Variants in CENPL observed in about 807,000 individuals in gnomAD.
The protein encoded by CENPL is centromere protein L, also known as interphase centromere complex protein 33.
In CENPL, 20 loss-of-function variants were observed where a neutral mutation model predicts 35.2. The ratio of observed to expected loss-of-function variants is 0.57; its 90% confidence interval spans 0.40 to 0.83. The LOEUF is 0.83. CENPL is among the 40% of genes least tolerant of loss of function. CENPL has a pLI of 0.00. For synonymous variants in CENPL, 140 were observed against 140.6 expected (o/e 1.00, Z 0.03); for missense variants, 363 against 395.8 (o/e 0.92, Z 0.70).
At chr1:173,804,185 G>A (rs1046766434) in intron 4 of CENPL, among the ~76,000 whole-genome samples, 4 of 152,136 alleles carry the variant, frequency 2.6e-5, no homozygotes, top group East Asian at 1.9e-4. Context: ...ATTTCCTAAG[G>A]CAGCACTATC....
At chr1:173,807,720 C>T (rs1650364910) in intron 3 of CENPL, among the ~76,000 whole-genome samples, 1 of 152,150 alleles carries the variant, frequency 6.6e-6, no homozygotes, top group Non-Finnish European at 1.5e-5. Context: ...TGCTCTTCTC[C>T]CAAGTGTTCA....
At position 173,813,643 on chromosome 1, in the gene CENPL, C is replaced by T. The variant is rs192773331; in HGVS notation, c.-7-2337G>A. 7.4e-4 allele frequency among the ~76,000 whole-genome samples: 112 copies of T among 152,244 alleles called. 1 individual carries two copies. The highest frequency in any genetic ancestry group is 2.2e-3 in the African/African-American group (91 of 41,536). ...CAAATGCTAAGAGATTTTGTCACCA[C>T]GAGGCCTGCCTTACAAGAGCTCCTG... On this transcript the variant is annotated intron_variant, in intron 2 of 5. Coordinates refer to ENST00000682279, the MANE Select transcript of CENPL (RefSeq NM_001387287.1).
intron 2 of CENPL, among the ~76,000 whole-genome samples, chr1:173,815,910 G>T (rs867785193): frequency 3.5e-4 from 53 of 152,308 alleles, no homozygotes; most frequent in Admixed American, 1.0e-3. Flanking sequence ...CCTGTTTGCA[G>T]ATGACATGAC....
At chr1:173,814,091 T>A (rs971722167) in intron 2 of CENPL, among the ~76,000 whole-genome samples, 4 of 152,116 alleles carry the variant, frequency 2.6e-5, no homozygotes, top group African/African-American at 9.7e-5. Context: ...GGCCACTACA[T>A]AACGGTAAAG....
intron 5 of CENPL, among the ~76,000 whole-genome samples, chr1:173,802,164 T>C (rs1053802502): frequency 6.6e-6 from 1 of 152,176 alleles, no homozygotes; most frequent in Non-Finnish European, 1.5e-5. Flanking sequence ...TGGCTGTGTA[T>C]TTTAATATAT....
At chr1:173,820,000 GC>G (rs1236131917) in intron 2 of CENPL, among the ~76,000 whole-genome samples, 1 of 152,024 alleles carries the variant, frequency 6.6e-6, no homozygotes, top group Non-Finnish European at 1.5e-5. Flanking sequence ...ACCGCACTCG[GC>G]CCATATTTAA....
At chr1:173,808,212 CCTAGCCAA>C (rs1266657151) in intron 3 of CENPL, among the ~76,000 whole-genome samples, 1 of 151,840 alleles carries the variant, frequency 6.6e-6, no homozygotes, top group South Asian at 2.1e-4. Context: ...TTGAGACCAG[CCTAGCCAA>C]CATGGTAAAA....
chr1:173,811,182 A>G lies in CENPL; in HGVS notation c.118T>C (p.Phe40Leu). 6.2e-7 allele frequency: 1 copy of G among 1,614,080 alleles called. No individual in the cohort carries two copies. The highest frequency in any genetic ancestry group is 8.5e-7 in the Non-Finnish European group (1 of 1,179,946). ...RLESVRKQSS[F>L]ILTPPRRKIP... ...TTCCTTCGAGGTGGAGTCAGGATAA[A>G]TGAACTCTGCTTCCTGACCGATTCT... The change falls in exon 3 of 6, where the codon TTT becomes CTT. Residue 40 changes from phenylalanine (F) to leucine (L), a missense_variant. Phe to Leu is a conservative substitution (Grantham distance 22). Coordinates refer to ENST00000682279, the MANE Select transcript of CENPL (RefSeq NM_001387287.1).
chr1:173,824,430 T>G lies in CENPL; in HGVS notation c.-320A>C, dbSNP rs1007724795. 11 of 152,430 alleles carry G rather than the reference T, an allele frequency of 7.2e-5. No homozygotes were observed. Among genetic ancestry groups the G allele is most frequent in the African/African-American group, 2.6e-4 (11 of 41,602 alleles). 9.4% of individuals were successfully genotyped at this position (152,430 alleles called of 1,614,324 possible). ...GCTCTGCGGCCCCACGCAGGAAGCC[T>G]CCTTGGCGCCTCGCCGATTCCGTAT... On this transcript the variant is annotated 5_prime_UTR_variant, in exon 1 of 6. Transcript: ENST00000682279.
chr1:173,820,760 G>A (rs1450655258), intron 2 of CENPL, among the ~76,000 whole-genome samples: 2 of 152,130 alleles, frequency 1.3e-5, no homozygotes, highest in Admixed American at 1.3e-4. Context: ...ATTGATACAT[G>A]CAACAACTTG....
Position 173,800,486 on chromosome 1 carries a change from C to G in CENPL, c.997G>C (p.Ala333Pro), listed in dbSNP as rs770040755. 21 of 1,500,878 alleles carry G rather than the reference C, an allele frequency of 1.4e-5. No individual in the cohort carries two copies. Among genetic ancestry groups the G allele is most frequent in the Non-Finnish European group, 1.9e-5 (21 of 1,079,312 alleles). 93.0% of individuals were successfully genotyped at this position (1,500,878 alleles called of 1,614,324 possible). ...LCHKYLIGVL[A>P]YLTELAIFQI... ...AAAATTGCCAGTTCTGTCAAATATG[C>G]TAACACTCCAATAAGGTATTTATGA... is the stretch of plus-strand genomic sequence containing the variant. The change falls in exon 6 of 6, where the codon GCA (alanine) becomes CCA (proline). Residue 333 changes from alanine (A) to proline (P), a missense_variant. By Grantham distance (27) the Ala-to-Pro change is conservative. Coordinates refer to ENST00000682279, the MANE Select transcript of CENPL (RefSeq NM_001387287.1).
chr1:173,812,539 G>A (rs1156843184), intron 2 of CENPL, among the ~76,000 whole-genome samples: 2 of 152,358 alleles, frequency 1.3e-5, no homozygotes, highest in Non-Finnish European at 1.5e-5. Flanking sequence ...AACAGAGTCT[G>A]GAGTGGACCT....
intron 2 of CENPL, among the ~76,000 whole-genome samples, chr1:173,821,657 A>C (rs1474868810): frequency 6.6e-6 from 1 of 152,158 alleles, no homozygotes; most frequent in African/African-American, 2.4e-5. Context: ...AAGAATGTGT[A>C]ATTTTTGCCC....
intron 5 of CENPL, among the ~76,000 whole-genome samples, chr1:173,801,713 G>A (rs1649768190): frequency 2.6e-5 from 4 of 151,848 alleles, no homozygotes; most frequent in South Asian, 2.1e-4. Context: ...CCAGCTACTC[G>A]GGAGACTGAG....
intron 3 of CENPL, among the ~76,000 whole-genome samples, chr1:173,809,400 A>C (rs1254996856): frequency 6.6e-6 from 1 of 151,806 alleles, no homozygotes; most frequent in Non-Finnish European, 1.5e-5. Flanking sequence ...ACCAGCCTGG[A>C]CAACAGGGTG....
chr1:173,809,523 C>T (rs1430144911), intron 3 of CENPL, among the ~76,000 whole-genome samples: 1 of 151,152 alleles, frequency 6.6e-6, no homozygotes, highest in African/African-American at 2.4e-5. Flanking sequence ...ATCTGGAAGG[C>T]AGAAGTTGCA....
chr1:173,820,495 A>G (rs1651841589), intron 2 of CENPL, among the ~76,000 whole-genome samples: 1 of 152,180 alleles, frequency 6.6e-6, no homozygotes, highest in Admixed American at 6.5e-5. Context: ...TAGTCTGAGC[A>G]AGAGTGAGAC....
At chr1:173,812,724 CA>C (rs1401700517) in intron 2 of CENPL, among the ~76,000 whole-genome samples, 8 of 152,170 alleles carry the variant, frequency 5.3e-5, no homozygotes, top group Admixed American at 3.9e-4. Flanking sequence ...GGGGAGAAAC[CA>C]GAGCAGAAAA....
chr1:173,819,984 T>C (rs1241939460), intron 2 of CENPL, among the ~76,000 whole-genome samples: 1 of 152,114 alleles, frequency 6.6e-6, no homozygotes, highest in African/African-American at 2.4e-5. Flanking sequence ...ATTACAGGTG[T>C]GAGCCACCGC....
Sources: allele counts gnomAD v4.1 joint callset (sites outside exome capture counted in the v4.1 genomes callset), GRCh38; gene constraint gnomAD v4.1.1; transcripts MANE v1.5; gene names NCBI Gene and HGNC (gene_info 2026-07-23, HGNC 2026-07-21).